The following HNF1A variants were observed in gnomAD, a reference collection of about 807,000 sequenced individuals.
The protein encoded by HNF1A is hepatocyte nuclear factor 1-alpha.
In HNF1A, 21 loss-of-function variants were observed where a neutral mutation model predicts 62.2. That is an observed-to-expected ratio of 0.34 (90% CI 0.24 to 0.49). The LOEUF is 0.49. HNF1A is among the 20% of genes least tolerant of loss of function. HNF1A has a pLI of 0.99. For missense variants in HNF1A, 687 were observed against 832.3 expected (o/e 0.83, Z 2.15); for synonymous variants, 374 against 366.8 (o/e 1.02, Z -0.22).
At chr12:120,988,748 C>A in intron 1 of HNF1A, 85 bp from the exon 2 acceptor site, 1 of 1,274,456 alleles carries the variant, frequency 7.8e-7, no homozygotes, top group Non-Finnish European at 1.1e-6. Flanking sequence ...TCAGGGTTGA[C>A]AAGGTTCCAG....
chr12:121,001,406 G>A lies in HNF1A; in HGVS notation c.*214G>A, dbSNP rs191295371. The A allele has an allele frequency of 3.9e-3, 2,340 of 598,662 alleles. 5 individuals are homozygous for A. The highest frequency in any genetic ancestry group is 5.1e-3 in the Non-Finnish European group (1,740 of 338,596). 37.1% of individuals were successfully genotyped at this position (598,662 alleles called of 1,614,324 possible). A position where few individuals can be genotyped will look rare whatever the true frequency, so the allele number is the denominator to read the frequency against. ...TGCTCGGGGTGCACAGGAGGGGGTC[G>A]TGGAGAGCTAGGAGCAAAGCCTGTT... On this transcript the variant is annotated 3_prime_UTR_variant, in exon 10 of 10. Transcript: ENST00000257555.
chr12:120,983,666 C>G (rs1876362638), intron 1 of HNF1A, among the ~76,000 whole-genome samples: 1 of 151,966 alleles, frequency 6.6e-6, no homozygotes, highest in Admixed American at 6.6e-5. Flanking sequence ...CTGCCTCAGC[C>G]TCCTGAGTAG....
chr12:120,983,803 C>T (rs1876370023), intron 1 of HNF1A, among the ~76,000 whole-genome samples: 1 of 152,136 alleles, frequency 6.6e-6, no homozygotes, highest in South Asian at 2.1e-4. Flanking sequence ...GCCTCGGCCT[C>T]CCAAAGTGTG....
At chr12:120,997,799 G>A (rs1452123815) in intron 7 of HNF1A, 134 bp downstream of exon 7, 6 of 930,020 alleles carry the variant, frequency 6.5e-6, no homozygotes, top group Non-Finnish European at 1.0e-5. Context: ...CGTGATTGAG[G>A]GTGTCTGCAG....
intron 1 of HNF1A, among the ~76,000 whole-genome samples, chr12:120,983,663 AG>A (rs1876362529): frequency 6.6e-6 from 1 of 151,304 alleles, no homozygotes; most frequent in Non-Finnish European, 1.5e-5. Flanking sequence ...CTCCTGCCTC[AG>A]CCTCCTGAGT....
At chr12:120,985,081 G>A (rs1242459358) in intron 1 of HNF1A, among the ~76,000 whole-genome samples, 2 of 151,814 alleles carry the variant, frequency 1.3e-5, no homozygotes, top group Non-Finnish European at 2.9e-5. Flanking sequence ...AAGTAGCTGG[G>A]ACTACAGGCT....
Position 120,999,189 on chromosome 12 carries a change from C to T in HNF1A, c.1502-79C>T, listed in dbSNP as rs139487741. 30 of 1,568,478 alleles carry T rather than the reference C, an allele frequency of 1.9e-5. No individual in the cohort carries two copies. In the Middle Eastern group the frequency reaches 6.7e-4, roughly 35 times the overall value. On this transcript the variant is annotated intron_variant, in intron 7 of 9. Coordinates refer to ENST00000257555, the MANE Select transcript of HNF1A (RefSeq NM_000545.8). Reference sequence around the variant, plus strand: ...GGCTGTTCAGCAGGCCCCATGCCCCCCTTTCCCCAGTCTTGAGGCCTGGGA... The same window carrying T: ...GGCTGTTCAGCAGGCCCCATGCCCCTCTTTCCCCAGTCTTGAGGCCTGGGA...
rs1014289764 is a variant in HNF1A, at chr12:121,001,857, C to G, written c.*665C>G. On this transcript the variant is annotated 3_prime_UTR_variant, in exon 10 of 10. Transcript: ENST00000257555. ...AGGCAGGGCTCTCCTGGCTTCCCAT[C>G]CCCAGCGATTCCCTCTCCCAGGCCC... 4 of 523,472 alleles carry G rather than the reference C, an allele frequency of 7.6e-6. No individual in the cohort carries two copies. Among genetic ancestry groups the G allele is most frequent in the African/African-American group, 5.6e-5 (3 of 53,532 alleles). The allele number at this position is 523,472 out of a possible 1,614,324, so 32.4% of individuals were successfully genotyped here. A position where few individuals can be genotyped will look rare whatever the true frequency, so the allele number is the denominator to read the frequency against.
In HNF1A at chr12:121,001,325, C is replaced by T; in HGVS notation, c.*133C>T. The T allele has an allele frequency of 8.9e-7, 1 of 1,129,334 alleles. No individual in the cohort carries two copies. Among genetic ancestry groups the T allele is most frequent in the South Asian group, 1.4e-5 (1 of 70,686 alleles). 70.0% of individuals were successfully genotyped at this position (1,129,334 alleles called of 1,614,324 possible). A position where few individuals can be genotyped will look rare whatever the true frequency, so the allele number is the denominator to read the frequency against. Reference sequence around the variant, plus strand: ...CTGGACAGCTGTGCCTCGCTCCCCACTCTGCTCTGATGCATCAGAAAGGGA... The same window carrying T: ...CTGGACAGCTGTGCCTCGCTCCCCATTCTGCTCTGATGCATCAGAAAGGGA... On this transcript the variant is annotated 3_prime_UTR_variant, in exon 10 of 10. Transcript: ENST00000257555.
chr12:120,984,228 A>G (rs1876399333), intron 1 of HNF1A, among the ~76,000 whole-genome samples: 2 of 152,148 alleles, frequency 1.3e-5, no homozygotes, highest in Non-Finnish European at 2.9e-5. Context: ...CCATTTTCAC[A>G]TTCAAAAGCC....
Position 121,001,250 on chromosome 12 carries a change from A to T in HNF1A, c.*58A>T, listed in dbSNP as rs1877460966. On this transcript the variant is annotated 3_prime_UTR_variant, in exon 10 of 10. Coordinates refer to ENST00000257555, the MANE Select transcript of HNF1A (RefSeq NM_000545.8). Reference sequence around the variant, plus strand: ...CTGCTTGGGGGGTGATGAGGGCAGCAGCCAGCCCTGCCTGGAGGACCTGAG... The same window carrying T: ...CTGCTTGGGGGGTGATGAGGGCAGCTGCCAGCCCTGCCTGGAGGACCTGAG... 1 of 1,601,164 alleles carries T rather than the reference A, an allele frequency of 6.2e-7. No homozygotes were observed. The highest frequency in any genetic ancestry group is 8.5e-7 in the Non-Finnish European group (1 of 1,174,000).
chr12:120,987,850 TTTTTC>T lies in HNF1A; in HGVS notation c.327-968_327-964del, dbSNP rs561839721. ...CTAATCACTGGCAGTAAATGCACTT[TTTTTC>T]TTTTCTTTTCTTTTTTTTGAGACAG... is the stretch of plus-strand genomic sequence containing the variant. On this transcript the variant is annotated intron_variant, in intron 1 of 9. Transcript: ENST00000257555. Among the ~76,000 whole-genome samples the T allele has an allele frequency of 8.5e-5, 13 of 152,268 alleles. No homozygotes were observed. The South Asian group carries it at 1.0e-3, about 12-fold the overall frequency.
intron 1 of HNF1A, among the ~76,000 whole-genome samples, chr12:120,982,319 C>T (rs1839202437): frequency 6.6e-6 from 1 of 152,186 alleles, no homozygotes; most frequent in Admixed American, 6.5e-5. Context: ...ATCCGCCCGC[C>T]TCGGCCTCCC....
intron 9 of HNF1A, 106 bp downstream of exon 9, chr12:120,999,733 G>C: frequency 7.2e-7 from 1 of 1,391,326 alleles, no homozygotes; most frequent in Non-Finnish European, 9.6e-7. Context: ...GCATGCAGCA[G>C]GCCTAGGGCT....
intron 1 of HNF1A, among the ~76,000 whole-genome samples, chr12:120,981,161 G>C (rs957548432): frequency 3.3e-5 from 5 of 151,494 alleles, no homozygotes; most frequent in Non-Finnish European, 5.9e-5. Flanking sequence ...GCCAGGGAGA[G>C]AGGGGCGGGG....
rs970190484 is a variant in HNF1A at position 121,001,659 on chromosome 12, T to C, written c.*467T>C. On this transcript the variant is annotated 3_prime_UTR_variant, in exon 10 of 10. Coordinates refer to ENST00000257555, the MANE Select transcript of HNF1A (RefSeq NM_000545.8). ...CAGCGTGGCCTTGTTCTGTCACCAA[T>C]GTACCCACCGGGCCACTCCTTCCTG... 7 of 457,040 alleles carry C rather than the reference T, an allele frequency of 1.5e-5. No homozygotes were observed. The highest frequency in any genetic ancestry group is 2.9e-5 in the Non-Finnish European group (7 of 237,456). The allele number at this position is 457,040 out of a possible 1,614,324, so 28.3% of individuals were successfully genotyped here. A position where few individuals can be genotyped will look rare whatever the true frequency, so the allele number is the denominator to read the frequency against.
At chr12:121,000,572 G>C (rs1282940507) in intron 9 of HNF1A, 1 of 210,064 alleles carries the variant, frequency 4.8e-6, no homozygotes, top group Non-Finnish European at 9.7e-6. Context: ...TCTGTTGCTG[G>C]CAGCTCTGGG....
At chr12:120,984,494 G>A (rs1435562982) in intron 1 of HNF1A, among the ~76,000 whole-genome samples, 1 of 151,406 alleles carries the variant, frequency 6.6e-6, no homozygotes, top group Admixed American at 6.6e-5. Context: ...AGGGAAGGAG[G>A]GAGGAAGGGA....
intron 1 of HNF1A, among the ~76,000 whole-genome samples, chr12:120,981,885 A>G (rs1876263758): frequency 6.6e-6 from 1 of 152,188 alleles, no homozygotes; most frequent in South Asian, 2.1e-4. Context: ...GCTGATGCAC[A>G]GCAGGAATGA....
Sources: gnomAD v4.1 joint callset for allele counts (sites outside exome capture counted in the v4.1 genomes callset) on GRCh38, gnomAD v4.1.1 for gene constraint, MANE v1.5 for transcripts, NCBI Gene and HGNC (gene_info 2026-07-23, HGNC 2026-07-21) for gene names.